The following TNS1 variants were observed in gnomAD, a reference collection of about 807,000 sequenced individuals.
The protein encoded by TNS1 is tensin-1.
A neutral mutation model predicts 168.6 loss-of-function variants in TNS1; 62 were observed. That is an observed-to-expected ratio of 0.37 (90% confidence interval 0.30 to 0.45). The LOEUF is 0.45. Ranked by LOEUF, TNS1 falls within the 20% of genes least tolerant of loss-of-function variation. TNS1 has a pLI of 1.00. For synonymous variants in TNS1, 934 were observed against 933.2 expected (o/e 1.00, Z -0.02); for missense variants, 2,240 against 2,339.4 (o/e 0.96, Z 0.88).
chr2:217,962,969 G>T (rs1957536236), intron 3 of TNS1, among the ~76,000 whole-genome samples: 1 of 152,202 alleles, frequency 6.6e-6, no homozygotes, highest in Admixed American at 6.5e-5. Context: ...GGTTATGTAA[G>T]ATGTCAGCAT....
intron 18 of TNS1, among the ~76,000 whole-genome samples, chr2:217,865,607 C>T (rs1290129398): frequency 6.6e-6 from 1 of 152,166 alleles, no homozygotes; most frequent in Non-Finnish European, 1.5e-5. Context: ...GATAAGCAGC[C>T]AGGGCATCGA....
chr2:217,966,145 G>A (rs372712941), intron 3 of TNS1, among the ~76,000 whole-genome samples: 98 of 152,240 alleles, frequency 6.4e-4, no homozygotes, highest in East Asian at 1.7e-3. Context: ...CAGCCGCAGC[G>A]TCAGAAACGC....
intron 3 of TNS1, among the ~76,000 whole-genome samples, chr2:217,966,851 T>A (rs907448280): frequency 4.6e-5 from 7 of 152,198 alleles, no homozygotes; most frequent in African/African-American, 1.7e-4. Flanking sequence ...AGCCAGACTC[T>A]CAGACCCGAG....
chr2:217,856,477 C>G (rs1207826831), intron 18 of TNS1, among the ~76,000 whole-genome samples: 1 of 152,178 alleles, frequency 6.6e-6, no homozygotes, highest in African/African-American at 2.4e-5. Flanking sequence ...TCCCCACAGC[C>G]TGCAGCGAGC....
intron 1 of TNS1, among the ~76,000 whole-genome samples, chr2:217,996,445 T>A (rs1452302179): frequency 6.6e-6 from 1 of 152,032 alleles, no homozygotes; most frequent in Non-Finnish European, 1.5e-5. Flanking sequence ...GGGAGTCCCA[T>A]GGGCACCTCA....
In TNS1 at chr2:217,848,254, G is replaced by A; in HGVS notation, c.2263C>T (p.Pro755Ser). ...QSFSEAEPQL[P>S]PAPVRGGSSR... ...CTTCCCCCTCGGACCGGAGCTGGGGGCAGCTGGGGTTCAGCTTCCGAAAAG... is the reference window on the plus strand; with the variant it reads ...CTTCCCCCTCGGACCGGAGCTGGGGACAGCTGGGGTTCAGCTTCCGAAAAG... The change falls in exon 19 of 33, where the codon CCC (proline) becomes TCC (serine). Residue 755 changes from proline to serine, a missense_variant. Transcript: ENST00000682258. 2 of 1,556,268 alleles carry A rather than the reference G, an allele frequency of 1.3e-6. No individual in the cohort carries two copies. The highest frequency in any genetic ancestry group is 1.2e-5 in the South Asian group (1 of 81,332).
At chr2:217,864,988 C>T (rs1447281603) in intron 18 of TNS1, among the ~76,000 whole-genome samples, 1 of 152,000 alleles carries the variant, frequency 6.6e-6, no homozygotes, top group Admixed American at 6.6e-5. Flanking sequence ...CCATGTGGTT[C>T]CATGCATGAG....
intron 18 of TNS1, among the ~76,000 whole-genome samples, chr2:217,852,218 C>T (rs960870543): frequency 2.0e-5 from 3 of 152,222 alleles, no homozygotes; most frequent in Non-Finnish European, 4.4e-5. Flanking sequence ...CTGATGCACT[C>T]ATAGCTCTGG....
chr2:217,817,843 A>G lies in TNS1; in HGVS notation c.4489T>C (p.Ser1497Pro). 1.2e-6 allele frequency: 2 copies of G among 1,614,214 alleles called. No individual in the cohort carries two copies. Among genetic ancestry groups the G allele is most frequent in the Non-Finnish European group, 1.7e-6 (2 of 1,180,040 alleles). Residue 1497 changes from serine to proline, a missense_variant, in exon 24 of 33, where the codon TCA becomes CCA. Transcript: ENST00000682258. ...AGGCTGCCTGCCCGGTCTCCCACTGACATCCTTCGCTTCTCTGGCAAGGCT... is the reference window on the plus strand; with the variant it reads ...AGGCTGCCTGCCCGGTCTCCCACTGGCATCCTTCGCTTCTCTGGCAAGGCT... ...TPALPEKRRM[S>P]VGDRAGSLPN...
intron 19 of TNS1, among the ~76,000 whole-genome samples, chr2:217,843,897 C>T (rs971500316): frequency 1.3e-5 from 2 of 152,112 alleles, no homozygotes; most frequent in African/African-American, 2.4e-5. Context: ...GAGAATGATT[C>T]CAAAACCTGT....
In TNS1 at chr2:217,963,429, A is replaced by G. The variant is rs1047028394; in HGVS notation, c.186+15336T>C. On this transcript the variant is annotated intron_variant, in intron 3 of 32. Coordinates refer to ENST00000682258, the MANE Select transcript of TNS1 (RefSeq NM_001387777.1). ...CACCGGGAGCGTAAAAGCACTCTCCATACCTAGCTCATCTAATCCTCACCA... is the reference window on the plus strand; with the variant it reads ...CACCGGGAGCGTAAAAGCACTCTCCGTACCTAGCTCATCTAATCCTCACCA... Among the ~76,000 whole-genome samples the G allele has an allele frequency of 2.6e-5, 4 of 152,282 alleles. No homozygotes were observed. The South Asian group carries it at 6.2e-4, about 24-fold the overall frequency.
At chr2:217,956,388 C>T in intron 3 of TNS1, among the ~76,000 whole-genome samples, 1 of 151,864 alleles carries the variant, frequency 6.6e-6, no homozygotes, top group South Asian at 2.1e-4. Flanking sequence ...ATGAGTGATA[C>T]AGAGTCCTGA....
Position 217,917,678 on chromosome 2 carries a change from A to G in TNS1, c.228+2517T>C, listed in dbSNP as rs969836368. 2.0e-5 allele frequency among the ~76,000 whole-genome samples: 3 copies of G among 152,030 alleles called. No individual in the cohort carries two copies. The East Asian group carries it at 5.8e-4, about 29-fold the overall frequency. ...AAACCCCATCTCTACTAAAAATGCA[A>G]AAATCAGCAAGGTGTGGTGCCGTGC... On this transcript the variant is annotated intron_variant, in intron 4 of 32. Transcript: ENST00000682258.
At chr2:217,821,347 T>C (rs1242832558) in intron 23 of TNS1, among the ~76,000 whole-genome samples, 5 of 152,216 alleles carry the variant, frequency 3.3e-5, no homozygotes, top group Non-Finnish European at 4.4e-5. Context: ...CTAGGATTGC[T>C]GCGAGGATTA....
intron 4 of TNS1, 63 bp from the exon 5 acceptor site, chr2:217,907,314 C>A (rs1330647525): frequency 1.4e-6 from 1 of 700,724 alleles, no homozygotes; most frequent in Non-Finnish European, 2.6e-6. Context: ...TGGGCTCTCT[C>A]CCCATGGCTA....
chr2:217,846,072 G>A (rs1946607424), intron 19 of TNS1, among the ~76,000 whole-genome samples: 1 of 152,290 alleles, frequency 6.6e-6, no homozygotes, highest in South Asian at 2.1e-4. Context: ...CAGGGGCCCA[G>A]ATGTGGGAGA....
Position 218,028,763 on chromosome 2 carries a change from C to T in TNS1, c.156+5057G>A, listed in dbSNP as rs554046608. 3.9e-5 allele frequency among the ~76,000 whole-genome samples: 6 copies of T among 152,326 alleles called. No homozygotes were observed. In the East Asian group the frequency reaches 7.7e-4, roughly 20 times the overall value. On this transcript the variant is annotated intron_variant, in intron 1 of 1. Transcript: ENST00000649572. Reference sequence around the variant, plus strand: ...AGAAGGGCTGGCCAAAAGCACCAGGCTGGGGTCTTGGGGGTGGAGGTGAAT... The same window carrying T: ...AGAAGGGCTGGCCAAAAGCACCAGGTTGGGGTCTTGGGGGTGGAGGTGAAT...
intron 22 of TNS1, among the ~76,000 whole-genome samples, chr2:217,828,934 G>T (rs1298939772): frequency 6.6e-6 from 1 of 152,186 alleles, no homozygotes; most frequent in Non-Finnish European, 1.5e-5. Context: ...GGGGCTCTGC[G>T]CCAGGAGAAT....
intron 32 of TNS1, among the ~76,000 whole-genome samples, chr2:217,806,114 G>A (rs1166334990): frequency 1.2e-4 from 18 of 152,184 alleles, no homozygotes; most frequent in Admixed American, 1.2e-3. Flanking sequence ...TGCCAGCCCT[G>A]GCTGCGGGTG....
Sources: gnomAD v4.1 joint callset for allele counts (sites outside exome capture counted in the v4.1 genomes callset) on GRCh38, gnomAD v4.1.1 for gene constraint, MANE v1.5 for transcripts, NCBI Gene and HGNC (gene_info 2026-07-23, HGNC 2026-07-21) for gene names.